Variants in TANK observed in about 807,000 individuals in gnomAD.
The protein encoded by TANK is TRAF family member-associated NF-kappa-B activator.
TANK carries 15 observed loss-of-function variants against 43.6 expected under a neutral mutation model. That is an observed-to-expected ratio of 0.34 (90% CI 0.23 to 0.53). TANK has a LOEUF of 0.53. TANK is among the 20% of genes least tolerant of loss of function. The pLI is 0.94. For missense variants in TANK, 417 were observed against 498.6 expected (o/e 0.84, Z 1.56); for synonymous variants, 162 against 178.2 (o/e 0.91, Z 0.73).
chr2:161,144,270 T>C (rs575971816), intron 1 of TANK, among the ~76,000 whole-genome samples: 1 of 152,294 alleles, frequency 6.6e-6, no homozygotes, highest in South Asian at 2.1e-4. Context: ...CCTGGATTCA[T>C]TGAGTTTTTG....
intron 4 of TANK, among the ~76,000 whole-genome samples, chr2:161,213,311 C>G (rs915714132): frequency 1.3e-5 from 2 of 151,990 alleles, no homozygotes; most frequent in African/African-American, 2.4e-5. Context: ...CCTAAAAGTT[C>G]TCAAAATCTG....
At chr2:161,156,474 C>A, upstream of TANK, 3 of 604,358 alleles carry the variant, frequency 5.0e-6, no homozygotes, top group Non-Finnish European at 6.2e-6. Context: ...TCTCCATATA[C>A]TTCTGCTTCT....
intron 1 of TANK, among the ~76,000 whole-genome samples, chr2:161,146,800 G>A (rs941254516): frequency 6.6e-6 from 1 of 152,148 alleles, no homozygotes; most frequent in Non-Finnish European, 1.5e-5. Context: ...TCACCCAGTT[G>A]GGTGGCATGG....
intron 1 of TANK, among the ~76,000 whole-genome samples, chr2:161,165,635 A>G (rs1452298741): frequency 6.6e-6 from 1 of 152,206 alleles, no homozygotes; most frequent in African/African-American, 2.4e-5. Context: ...CTCCTCCTCT[A>G]CACCTCACCA....
At chr2:161,164,024 A>C (rs1684560737) in intron 1 of TANK, among the ~76,000 whole-genome samples, 1 of 152,218 alleles carries the variant, frequency 6.6e-6, no homozygotes, top group Admixed American at 6.5e-5. Context: ...ACCTACAGAC[A>C]CTGAAGCGTT....
At chr2:161,160,781 C>T in intron 1 of TANK, 2 of 560,396 alleles carry the variant, frequency 3.6e-6, no homozygotes, top group South Asian at 3.1e-5. Flanking sequence ...GTCCCGGCTG[C>T]TTTGCCCGGG....
intron 6 of TANK, among the ~76,000 whole-genome samples, chr2:161,226,774 TA>T (rs1332366347): frequency 6.6e-6 from 1 of 152,214 alleles, no homozygotes; most frequent in Non-Finnish European, 1.5e-5. Context: ...TAGCTTCAAA[TA>T]AAGTACTGTT....
chr2:161,161,287 G>A (rs1272368926), intron 1 of TANK: 2 of 1,550,578 alleles, frequency 1.3e-6, no homozygotes, highest in South Asian at 2.4e-5. Flanking sequence ...CCTCACAGGA[G>A]ATGCTTTTGA....
At chr2:161,217,726 G>T (rs1467171784) in intron 4 of TANK, among the ~76,000 whole-genome samples, 5 of 150,312 alleles carry the variant, frequency 3.3e-5, no homozygotes, top group South Asian at 4.2e-4. Context: ...TAGTTTTTTG[G>T]TTTTTTTCTG....
At chr2:161,231,914 G>A (rs1254463042) in intron 7 of TANK, among the ~76,000 whole-genome samples, 1 of 152,146 alleles carries the variant, frequency 6.6e-6, no homozygotes, top group Non-Finnish European at 1.5e-5. Context: ...TTAATAGTTT[G>A]TGTATATCAT....
In TANK at chr2:161,205,865, G is replaced by A. The variant is rs538112476; in HGVS notation, c.327+1072G>A. On this transcript the variant is annotated intron_variant, in intron 4 of 7. Coordinates refer to ENST00000392749, the MANE Select transcript of TANK (RefSeq NM_001199135.3). ...GTCACCCAGGCTGGAGTGCAGTGGT[G>A]CAATCTCTGCTCACTGCAACCTCCA... Among the ~76,000 whole-genome samples, 174 of 152,240 alleles carry A rather than the reference G, an allele frequency of 1.1e-3. 2 individuals are homozygous for A. Among genetic ancestry groups the A allele is most frequent in the Non-Finnish European group, 2.0e-3 (133 of 68,004 alleles).
intron 4 of TANK, chr2:161,222,884 T>G (rs569648538): frequency 9.9e-5 from 15 of 152,124 alleles, no homozygotes; most frequent in African/African-American, 3.6e-4. Flanking sequence ...GGAAATAAAT[T>G]GGAGAAGATA....
chr2:161,159,584 T>G (rs1684317320), upstream of TANK, among the ~76,000 whole-genome samples: 1 of 152,328 alleles, frequency 6.6e-6, no homozygotes, highest in African/African-American at 2.4e-5. Flanking sequence ...CTAGACAGAA[T>G]GCACTGCAAC....
intron 2 of TANK, among the ~76,000 whole-genome samples, chr2:161,189,246 A>G (rs541614831): frequency 3.2e-4 from 48 of 152,332 alleles, no homozygotes; most frequent in Non-Finnish European, 5.7e-4. Context: ...AAAACTAGTC[A>G]TGATATACCA....
intron 4 of TANK, among the ~76,000 whole-genome samples, chr2:161,216,203 T>C (rs1176810073): frequency 2.0e-5 from 3 of 152,198 alleles, no homozygotes; most frequent in African/African-American, 7.2e-5. Context: ...GACAGCATGT[T>C]TCCCTCTACA....
At chr2:161,205,973 C>A (rs1558995372) in intron 4 of TANK, among the ~76,000 whole-genome samples, 1 of 151,996 alleles carries the variant, frequency 6.6e-6, no homozygotes, top group African/African-American at 2.4e-5. Flanking sequence ...TAAAACATAA[C>A]ATTAATGTTT....
At chr2:161,180,853 G>T (rs1348515473) in intron 2 of TANK, among the ~76,000 whole-genome samples, 1 of 150,832 alleles carries the variant, frequency 6.6e-6, no homozygotes, top group South Asian at 2.1e-4. Context: ...TTAAAATTCA[G>T]TAACGTGTGC....
chr2:161,155,976 G>A (rs1429420122), upstream of TANK: 41 of 823,016 alleles, frequency 5.0e-5, no homozygotes, highest in Non-Finnish European at 5.3e-5. Context: ...TGACTTGATA[G>A]GGCATTTAAT....
intron 4 of TANK, among the ~76,000 whole-genome samples, chr2:161,218,336 TC>T (rs1314768511): frequency 6.6e-6 from 1 of 152,188 alleles, no homozygotes; most frequent in East Asian, 1.9e-4. Context: ...ATGTAACCAT[TC>T]TTTATCTCCA....
Sources: gnomAD v4.1 joint callset for allele counts (sites outside exome capture counted in the v4.1 genomes callset) on GRCh38, gnomAD v4.1.1 for gene constraint, MANE v1.5 for transcripts, NCBI Gene and HGNC (gene_info 2026-07-23, HGNC 2026-07-21) for gene names.